ASIC2: variants seen among roughly 807,000 people sequenced by gnomAD.
ASIC2 encodes the protein acid sensing ion channel subunit 2, also known as acid-sensing ion channel 2.
Under a neutral mutation model 57.3 loss-of-function variants are expected in ASIC2, and 25 were observed. The observed-to-expected ratio is 0.44, with a 90% CI of 0.32 to 0.61. The LOEUF is 0.61. Among genes scored for constraint, ASIC2 ranks in the 20% least tolerant of loss-of-function variants. The pLI, the probability that ASIC2 is intolerant of heterozygous loss-of-function variation, is 0.06. For missense variants in ASIC2, 641 were observed against 738.1 expected, an observed-to-expected ratio of 0.87 and a Z score of 1.52; for synonymous variants, 319 against 307.5, an observed-to-expected ratio of 1.04 and a Z score of -0.39.
At chr17:33,288,762 C>T (rs938422193) in intron 1 of ASIC2, among the ~76,000 whole-genome samples, 1 of 129,812 alleles carries the variant, frequency 7.7e-6, no homozygotes, top group Non-Finnish European at 1.7e-5. Context: ...ACACACACAA[C>T]TAATATGGTG....
intron 1 of ASIC2, among the ~76,000 whole-genome samples, chr17:33,238,250 C>T (rs9972933): frequency 0.17 from 25,483 of 152,200 alleles, 2,727 homozygotes; most frequent in Non-Finnish European, 0.23. Flanking sequence ...AGCTGCACGA[C>T]GGCACTGCAA....
chr17:33,039,311 T>C (rs2050436004), intron 3 of ASIC2, among the ~76,000 whole-genome samples: 1 of 152,172 alleles, frequency 6.6e-6, no homozygotes, highest in African/African-American at 2.4e-5. Context: ...CCTGCCCAGG[T>C]GGAGGTCAGG....
At chr17:33,191,349 A>G (rs1302825094) in intron 1 of ASIC2, among the ~76,000 whole-genome samples, 2 of 152,196 alleles carry the variant, frequency 1.3e-5, no homozygotes, top group African/African-American at 2.4e-5. Context: ...TTAATTACAA[A>G]GGGACATGGG....
chr17:33,771,138 G>A (rs1216347626), intron 1 of ASIC2, among the ~76,000 whole-genome samples: 1 of 152,100 alleles, frequency 6.6e-6, no homozygotes, highest in Non-Finnish European at 1.5e-5. Flanking sequence ...TGGCAATTGT[G>A]GGGTACAAGT....
intron 1 of ASIC2, among the ~76,000 whole-genome samples, chr17:33,480,947 C>T (rs1382457983): frequency 3.3e-5 from 5 of 152,212 alleles, no homozygotes; most frequent in Admixed American, 1.3e-4. Flanking sequence ...TGCTCTTTGA[C>T]CTCATTAAGA....
chr17:33,466,649 T>C (rs1313425104), intron 1 of ASIC2, among the ~76,000 whole-genome samples: 1 of 151,990 alleles, frequency 6.6e-6, no homozygotes, highest in Non-Finnish European at 1.5e-5. Context: ...AAAACAGAGA[T>C]ATAGACCAAT....
chr17:33,546,233 A>T (rs918509713), intron 1 of ASIC2, among the ~76,000 whole-genome samples: 3 of 151,802 alleles, frequency 2.0e-5, no homozygotes, highest in Non-Finnish European at 4.4e-5. Context: ...GCACAAATAG[A>T]CACAATCACA....
At chr17:33,098,063 T>C (rs2092191111) in intron 2 of ASIC2, among the ~76,000 whole-genome samples, 2 of 152,220 alleles carry the variant, frequency 1.3e-5, no homozygotes, top group African/African-American at 4.8e-5. Context: ...TCAGGCACGT[T>C]AAATTGCCCC....
intron 1 of ASIC2, among the ~76,000 whole-genome samples, chr17:33,868,714 G>A (rs1170822981): frequency 2.0e-5 from 3 of 152,080 alleles, no homozygotes; most frequent in African/African-American, 7.2e-5. Context: ...TCAAGTACTT[G>A]TATCCCAAAT....
chr17:33,205,464 A>T (rs1177843125), intron 1 of ASIC2, among the ~76,000 whole-genome samples: 2 of 152,264 alleles, frequency 1.3e-5, no homozygotes, highest in Non-Finnish European at 2.9e-5. Flanking sequence ...ATCCACCAGC[A>T]AATTTACTTA....
intron 3 of ASIC2, among the ~76,000 whole-genome samples, chr17:33,029,728 C>A (rs991769097): frequency 3.9e-5 from 6 of 152,182 alleles, no homozygotes; most frequent in Non-Finnish European, 7.4e-5. Context: ...CAAAGTGGTT[C>A]TTCTATTTTA....
At chr17:33,436,850 C>CTTTTTTTT (rs1244300127) in intron 1 of ASIC2, among the ~76,000 whole-genome samples, 3 of 76,034 alleles carry the variant, frequency 3.9e-5, no homozygotes, top group South Asian at 4.4e-4. Context: ...CACATTCCAA[C>CTTTTTTTT]TTCTTTTTTT....
intron 1 of ASIC2, among the ~76,000 whole-genome samples, chr17:33,381,662 T>G (rs1909493704): frequency 6.6e-6 from 1 of 152,196 alleles, no homozygotes; most frequent in South Asian, 2.1e-4. Context: ...TGAGAAAAAG[T>G]ATAGAAAGAG....
chr17:33,406,047 C>T (rs556818324), intron 1 of ASIC2, among the ~76,000 whole-genome samples: 2 of 152,268 alleles, frequency 1.3e-5, no homozygotes, highest in Admixed American at 6.5e-5. Context: ...CTGGGCCAGG[C>T]TTTGCCCTGG....
intron 1 of ASIC2, among the ~76,000 whole-genome samples, chr17:33,500,275 CAT>C (rs1197602760): frequency 8.5e-5 from 13 of 152,184 alleles, no homozygotes; most frequent in African/African-American, 3.1e-4. Context: ...GCAGCACAGT[CAT>C]AATCACACCA....
rs145422962 is a variant in ASIC2, at chr17:34,061,827, C to A, written c.555+94151G>T. ...GGCCTTGTACAACAAGAAAATATTA[C>A]AATCCTAAACATACACGCATCTAAC... On this transcript the variant is annotated intron_variant, in intron 1 of 9. Coordinates refer to the ASIC2 transcript ENST00000359872. Among the ~76,000 whole-genome samples the A allele has an allele frequency of 1.3e-3, 198 of 152,250 alleles. 1 individual carries two copies. The highest frequency in any genetic ancestry group is 4.6e-3 in the African/African-American group (193 of 41,574).
intron 1 of ASIC2, among the ~76,000 whole-genome samples, chr17:33,658,290 C>T (rs972478305): frequency 1.3e-5 from 2 of 152,180 alleles, no homozygotes; most frequent in South Asian, 2.1e-4. Context: ...AGCCAGGAAG[C>T]GAAGCATAGG....
chr17:33,706,125 C>T (rs1401652128), intron 1 of ASIC2, among the ~76,000 whole-genome samples: 2 of 151,250 alleles, frequency 1.3e-5, no homozygotes, highest in Non-Finnish European at 2.9e-5. Context: ...CTCTCAACTT[C>T]CAAGATAATT....
At chr17:33,527,741 C>T (rs1345890261) in intron 1 of ASIC2, among the ~76,000 whole-genome samples, 1 of 151,972 alleles carries the variant, frequency 6.6e-6, no homozygotes, top group Non-Finnish European at 1.5e-5. Flanking sequence ...AAATGAAGTA[C>T]ATCTGTTAAT....
Sources: allele counts gnomAD v4.1 joint callset (sites outside exome capture counted in the v4.1 genomes callset), GRCh38; gene constraint gnomAD v4.1.1; transcripts MANE v1.5; gene names NCBI Gene and HGNC (gene_info 2026-07-23, HGNC 2026-07-21).